Variants in DTX4 observed in about 807,000 individuals in gnomAD.
The protein encoded by DTX4 is E3 ubiquitin-protein ligase DTX4.
A neutral mutation model predicts 57.6 loss-of-function variants in DTX4; 28 were observed. The ratio of observed to expected loss-of-function variants is 0.49; its 90% CI spans 0.36 to 0.67. DTX4 has a LOEUF of 0.67. Among genes scored for constraint, DTX4 ranks in the 30% least tolerant of loss-of-function variants. The pLI, the probability that DTX4 is intolerant of heterozygous loss-of-function variation, is 0.00. For missense variants in DTX4, 715 were observed against 836.8 expected, an observed-to-expected ratio of 0.85 and a Z score of 1.80; for synonymous variants, 316 against 331.0, an observed-to-expected ratio of 0.95 and a Z score of 0.49.
intron 6 of DTX4, among the ~76,000 whole-genome samples, chr11:59,192,900 T>A (rs1299447013): frequency 3.9e-5 from 6 of 152,224 alleles, no homozygotes; most frequent in Non-Finnish European, 8.8e-5. Context: ...CTTTGGAATC[T>A]GGAAGACTCC....
chr11:59,173,160 C>T (rs1862349879), intron 1 of DTX4, among the ~76,000 whole-genome samples: 1 of 152,214 alleles, frequency 6.6e-6, no homozygotes, highest in Non-Finnish European at 1.5e-5. Flanking sequence ...GCAATCCCAG[C>T]CCTTCGCAAA....
intron 5 of DTX4, among the ~76,000 whole-genome samples, chr11:59,191,481 A>G (rs1862598308): frequency 6.6e-6 from 1 of 152,268 alleles, no homozygotes. Context: ...GGTTTGATAC[A>G]GAACAGTGGT....
chr11:59,174,629 G>C (rs896599127), intron 1 of DTX4, among the ~76,000 whole-genome samples: 5 of 152,094 alleles, frequency 3.3e-5, no homozygotes, highest in African/African-American at 1.2e-4. Context: ...GGTGGAATCT[G>C]TGTTTGGGGG....
In DTX4 at chr11:59,204,783, C is replaced by G. The variant is rs1862783610; in HGVS notation, c.1734C>G (p.His578Gln). The G allele has an allele frequency of 1.2e-6, 2 of 1,613,454 alleles. No individual in the cohort carries two copies. The highest frequency in any genetic ancestry group is 1.7e-6 in the Non-Finnish European group (2 of 1,179,714). The change falls in exon 9 of 9, where the codon CAC becomes CAG. Residue 578 changes from histidine (H) to glutamine (Q), a missense_variant. Coordinates refer to ENST00000227451, the MANE Select transcript of DTX4 (RefSeq NM_015177.2). ...CCGTCATCTGGAATGAGGTCCACCACAAGACAGAGTTTGGCTCTAATCTCA... is the reference window on the plus strand; with the variant it reads ...CCGTCATCTGGAATGAGGTCCACCAGAAGACAGAGTTTGGCTCTAATCTCA... ...SDTVIWNEVHHKTEFGSNLTG... is the reference protein window; with the variant it reads ...SDTVIWNEVHQKTEFGSNLTG...
At chr11:59,187,594 G>A (rs1460599643) in intron 2 of DTX4, among the ~76,000 whole-genome samples, 1 of 152,190 alleles carries the variant, frequency 6.6e-6, no homozygotes, top group African/African-American at 2.4e-5. Flanking sequence ...TGCTTTCCCA[G>A]CACCATCCTG....
At chr11:59,192,767 G>A (rs1390276108) in intron 6 of DTX4, among the ~76,000 whole-genome samples, 1 of 152,174 alleles carries the variant, frequency 6.6e-6, no homozygotes, top group African/African-American at 2.4e-5. Flanking sequence ...AAAGACTGTT[G>A]CCAAAGTACA....
At chr11:59,192,939 C>T (rs1862618196) in intron 6 of DTX4, among the ~76,000 whole-genome samples, 1 of 151,904 alleles carries the variant, frequency 6.6e-6, no homozygotes, top group South Asian at 2.1e-4. Flanking sequence ...CTTACAGTGT[C>T]TGAGCATTTC....
At chr11:59,198,140 G>T (rs1382625076) in intron 7 of DTX4, among the ~76,000 whole-genome samples, 2 of 152,190 alleles carry the variant, frequency 1.3e-5, no homozygotes, top group Admixed American at 6.5e-5. Context: ...TGCATTCACT[G>T]CAGAGAACTA....
intron 1 of DTX4, among the ~76,000 whole-genome samples, chr11:59,179,872 C>G (rs767956227): frequency 1.3e-5 from 2 of 151,784 alleles, no homozygotes; most frequent in Non-Finnish European, 2.9e-5. Context: ...GAAACTTTTT[C>G]TCTCTCTCTT....
At chr11:59,177,317 G>A (rs1862408054) in intron 1 of DTX4, among the ~76,000 whole-genome samples, 1 of 152,208 alleles carries the variant, frequency 6.6e-6, no homozygotes, top group African/African-American at 2.4e-5. Flanking sequence ...TACCCCAGGA[G>A]ATTCTGACGG....
chr11:59,174,361 G>C (rs1001085806), intron 1 of DTX4, among the ~76,000 whole-genome samples: 1 of 151,938 alleles, frequency 6.6e-6, no homozygotes, highest in Non-Finnish European at 1.5e-5. Flanking sequence ...CTTGGGTAAA[G>C]GTTGTGGAGG....
At chr11:59,186,529 G>A (rs1565217878) in intron 2 of DTX4, among the ~76,000 whole-genome samples, 7 of 152,222 alleles carry the variant, frequency 4.6e-5, no homozygotes. Flanking sequence ...GAAAGAGCTG[G>A]GCGAGGAGAA....
chr11:59,182,287 C>A lies in DTX4; in HGVS notation c.760C>A (p.Pro254Thr). The stretch of plus-strand genomic sequence containing the variant: ...CATTCGAGGCCCACTGAAGACCGCC[C>A]CATCGCAGGTGATCCGGAGACAAGC... The part of the protein sequence containing the change: ...GTIRGPLKTA[P>T]SQVIRRQASS... Residue 254 changes from proline (P) to threonine (T), a missense_variant, in exon 2 of 9, where the codon CCA becomes ACA. Physicochemically the swap from Pro to Thr is conservative, Grantham distance 38 (BLOSUM62 -1). Transcript: ENST00000227451. 6.2e-7 allele frequency: 1 copy of A among 1,612,382 alleles called. No individual in the cohort carries two copies. Among genetic ancestry groups the A allele is most frequent in the South Asian group, 1.1e-5 (1 of 91,066 alleles).
intron 8 of DTX4, among the ~76,000 whole-genome samples, chr11:59,200,393 T>G (rs183330393): frequency 1.3e-5 from 2 of 152,298 alleles, no homozygotes; most frequent in East Asian, 3.9e-4. Context: ...CAATAATTCA[T>G]CTATTTTAAG....
At chr11:59,173,955 GA>G (rs1565214416) in intron 1 of DTX4, among the ~76,000 whole-genome samples, 1 of 152,208 alleles carries the variant, frequency 6.6e-6, no homozygotes, top group East Asian at 1.9e-4. Context: ...GGAGCCTGGA[GA>G]GGCCGGTGTG....
Position 59,204,837 on chromosome 11 carries a change from C to G in DTX4, c.1788C>G (p.Tyr596Ter), listed in dbSNP as rs1361670276. ...GCCATGGCTACCCAGATGCCAATTA[C>G]CTGGATAATGTGCTGGCTGAACTGG... is the stretch of plus-strand genomic sequence containing the variant. ...LTGHGYPDAN[Y>*]LDNVLAELAA... Residue 596 changes from tyrosine to a stop codon, truncating the protein, a stop_gained, in exon 9 of 9, where the codon TAC becomes TAG. Transcript: ENST00000227451. LOFTEE classifies it high-confidence loss of function. 2 of 1,609,802 alleles carry G rather than the reference C, an allele frequency of 1.2e-6. No individual in the cohort carries two copies. Among genetic ancestry groups the G allele is most frequent in the South Asian group, 1.1e-5 (1 of 90,132 alleles).
chr11:59,181,829 C>G lies in DTX4; in HGVS notation c.302C>G (p.Ser101Cys), dbSNP rs746807888. ...VVWEWENDNGSWTPYDMEVGI... is the reference protein window; with the variant it reads ...VVWEWENDNGCWTPYDMEVGI... The stretch of plus-strand genomic sequence containing the variant: ...TGGGAGTGGGAGAACGACAATGGCT[C>G]CTGGACGCCCTACGACATGGAAGTG... The change falls in exon 2 of 9, where the codon TCC becomes TGC. Residue 101 changes from serine (S) to cysteine (C), a missense_variant. Transcript: ENST00000227451. 3.1e-6 allele frequency: 5 copies of G among 1,613,962 alleles called. No individual in the cohort carries two copies. Among genetic ancestry groups the G allele is most frequent in the Admixed American group, 3.3e-5 (2 of 60,020 alleles).
chr11:59,177,309 C>T (rs1399203506), intron 1 of DTX4, among the ~76,000 whole-genome samples: 1 of 152,154 alleles, frequency 6.6e-6, no homozygotes, highest in Non-Finnish European at 1.5e-5. Context: ...TCAATTCATA[C>T]CCCAGGAGAT....
rs745614457 is a variant in DTX4 at position 59,188,804 on chromosome 11, A to G, written c.997+8A>G. ...TCAACCCTGCCTTGGCAGGTAAGAG[A>G]AACCCCAGGATGCTCTGGGTTAAGG... On this transcript the variant is annotated splice_region_variant and intron_variant, in intron 3 of 8. Coordinates refer to ENST00000227451, the MANE Select transcript of DTX4 (RefSeq NM_015177.2). 6.2e-7 allele frequency: 1 copy of G among 1,612,186 alleles called. No homozygotes were observed. The highest frequency in any genetic ancestry group is 1.1e-5 in the South Asian group (1 of 91,024).
Sources: gnomAD v4.1 joint callset for allele counts (sites outside exome capture counted in the v4.1 genomes callset) on GRCh38, gnomAD v4.1.1 for gene constraint, MANE v1.5 for transcripts, NCBI Gene and HGNC (gene_info 2026-07-23, HGNC 2026-07-21) for gene names.